The following PKD1L3 variants were observed in gnomAD, a reference collection of about 807,000 sequenced individuals.
PKD1L3 encodes polycystin-1-like protein 3.
In PKD1L3, 239 loss-of-function variants were observed where a neutral mutation model predicts 184.1. The observed-to-expected ratio is 1.30, with a 90% CI of 1.17 to 1.45. PKD1L3 has a LOEUF of 1.45. Among genes scored for constraint, PKD1L3 ranks in the 40% most tolerant of loss-of-function variants. The probability of loss-of-function intolerance (pLI) is 0.00; values close to 1 mark genes in which losing one functional copy is unlikely to be tolerated. For missense variants in PKD1L3, 2,660 were observed against 2,067.2 expected, an observed-to-expected ratio of 1.29 and a Z score of -5.56; for synonymous variants, 996 against 778.8, an observed-to-expected ratio of 1.28 and a Z score of -4.64.
In PKD1L3 at chr16:71,933,405, A is replaced by T. The variant is rs1361878798; in HGVS notation, c.4926+15T>A. The T allele has an allele frequency of 7.2e-6, 11 of 1,519,050 alleles. No homozygotes were observed. Among genetic ancestry groups the T allele is most frequent in the Non-Finnish European group, 9.0e-6 (10 of 1,117,316 alleles). The allele number at this position is 1,519,050 out of a possible 1,614,324, so 94.1% of individuals were successfully genotyped here. A position where few individuals can be genotyped will look rare whatever the true frequency, so the allele number is the denominator to read the frequency against. On this transcript the variant is annotated intron_variant, in intron 28 of 29. Transcript: ENST00000620267. ...ATATATTGAATTCTGTGAGGAAACA[A>T]ATTATTATTTTTACCTCCTCTTGGT...
chr16:71,979,182 A>G (rs528418575), intron 9 of PKD1L3, among the ~76,000 whole-genome samples: 7 of 152,208 alleles, frequency 4.6e-5, no homozygotes, highest in Non-Finnish European at 1.0e-4. Context: ...GGTGGCTCAC[A>G]CCTGTAATCC....
intron 11 of PKD1L3, among the ~76,000 whole-genome samples, chr16:71,974,764 G>A (rs2039855799): frequency 6.6e-6 from 1 of 152,210 alleles, no homozygotes; most frequent in South Asian, 2.1e-4. Flanking sequence ...TCTGTAGTGG[G>A]CAGCCTGGTA....
chr16:71,978,214 C>A, intron 10 of PKD1L3, 41 bp downstream of exon 10: 1 of 1,528,740 alleles, frequency 6.5e-7, no homozygotes, highest in South Asian at 1.2e-5. Flanking sequence ...TGCAGAATAT[C>A]CCATTCTCTT....
intron 1 of PKD1L3, among the ~76,000 whole-genome samples, chr16:71,999,059 CAGG>C (rs1386482886): frequency 6.6e-6 from 1 of 151,910 alleles, no homozygotes; most frequent in African/African-American, 2.4e-5. Flanking sequence ...ATCACGAGGT[CAGG>C]AGATCAAGAC....
chr16:71,933,554 G>T (rs1279238257), intron 27 of PKD1L3, 33 bp from the exon 28 acceptor site: 3 of 1,429,732 alleles, frequency 2.1e-6, no homozygotes, highest in South Asian at 2.5e-5. Context: ...GTTAGTGCAA[G>T]CCGAGCGCAC....
chr16:71,940,690 G>C (rs2143208302), intron 24 of PKD1L3, among the ~76,000 whole-genome samples: 1 of 151,922 alleles, frequency 6.6e-6, no homozygotes, highest in East Asian at 1.9e-4. Context: ...AGTAGATATG[G>C]GGTTTTGCCA....
At chr16:71,936,140 T>A (rs1404451028) in intron 25 of PKD1L3, among the ~76,000 whole-genome samples, 12 of 151,376 alleles carry the variant, frequency 7.9e-5, no homozygotes, top group Non-Finnish European at 1.3e-4. Context: ...AAAAAAAAAA[T>A]ACTATGTTTG....
Position 71,973,396 on chromosome 16 carries a change from C to G in PKD1L3, c.1881G>C (p.Ser627=). The G allele has an allele frequency of 1.5e-5, 24 of 1,551,646 alleles. No individual in the cohort carries two copies. The highest frequency in any genetic ancestry group is 2.1e-5 in the Non-Finnish European group (24 of 1,147,002). ...AACACTGAGTGACGGCGGTGATGAC[C>G]GAGACCAAGCTGGGTGTCTGCTGAG... is the stretch of plus-strand genomic sequence containing the variant. The part of the protein sequence containing the change: ...EGAQQTPSLV[S]VITAVTQCYY... The change falls in exon 12 of 30, where the codon TCG becomes TCC. Residue 627 remains serine (S), a synonymous_variant. Transcript: ENST00000620267.
intron 16 of PKD1L3, 77 bp downstream of exon 16, chr16:71,963,128 A>C: frequency 7.4e-7 from 1 of 1,354,564 alleles, no homozygotes; most frequent in Non-Finnish European, 9.8e-7. Flanking sequence ...ATTTGCATTA[A>C]AAACAATTCA....
rs573459044 is a variant in PKD1L3, at chr16:71,962,875, G to A, written c.2612+330C>T. ...TGTTCTCATAAATATTTGTATCATC[G>A]AAGTAGTGGTATCCTTTTTATATTC... On this transcript the variant is annotated intron_variant, in intron 16 of 29. Coordinates refer to ENST00000620267, the MANE Select transcript of PKD1L3 (RefSeq NM_181536.2). Among the ~76,000 whole-genome samples, 26 of 152,176 alleles carry A rather than the reference G, an allele frequency of 1.7e-4. No homozygotes were observed. In the South Asian group the frequency reaches 3.9e-3, roughly 23 times the overall value.
chr16:71,989,469 G>A (rs1597373812), intron 4 of PKD1L3, among the ~76,000 whole-genome samples: 1 of 152,164 alleles, frequency 6.6e-6, no homozygotes, highest in African/African-American at 2.4e-5. Flanking sequence ...CTTTTATACT[G>A]TTAGAAACAC....
At position 71,994,833 on chromosome 16, in the gene PKD1L3, C is replaced by A. The variant is rs539429858; in HGVS notation, c.419-1501G>T. Among the ~76,000 whole-genome samples, 39 of 152,140 alleles carry A rather than the reference C, an allele frequency of 2.6e-4. 1 individual carries two copies. The South Asian group carries it at 5.8e-3, about 23-fold the overall frequency. ...GGCCAGGATGGTGAAACCGCCGTCT[C>A]TACTAAAAATACAAAAATTAGCCGA... is the stretch of plus-strand genomic sequence containing the variant. On this transcript the variant is annotated intron_variant, in intron 2 of 29. Transcript: ENST00000620267.
At position 71,942,797 on chromosome 16, in the gene PKD1L3, C is replaced by T. The variant is rs1483501701; in HGVS notation, c.4087G>A (p.Val1363Ile). Residue 1363 changes from valine to isoleucine, a missense_variant, in exon 24 of 30, where the codon GTA becomes ATA. By Grantham distance (29) the Val-to-Ile change is conservative (BLOSUM62 3). Coordinates refer to ENST00000620267, the MANE Select transcript of PKD1L3 (RefSeq NM_181536.2). ...VLEPSHCKCG[V>I]QLIFQIPRTK... ...CGGGGTATTTGGAAAATTAATTGTA[C>T]CCCACATTTGCAATGACTGGGCTCC... 2.6e-6 allele frequency: 4 copies of T among 1,551,524 alleles called. No individual in the cohort carries two copies. The highest frequency in any genetic ancestry group is 2.4e-5 in the East Asian group (1 of 40,916).
chr16:71,942,840 T>G lies in PKD1L3; in HGVS notation c.4044A>C (p.Arg1348Ser). 1 of 1,551,594 alleles carries G rather than the reference T, an allele frequency of 6.4e-7. No individual in the cohort carries two copies. Among genetic ancestry groups the G allele is most frequent in the Non-Finnish European group, 8.7e-7 (1 of 1,146,952 alleles). ...ILLPSLYGDY[R>S]GKNAVLEPSH... ...TGGGCTCCAGGACTGCATTCTTACC[T>G]CTGTAATCCCCATACAGGCTAGGAA... The change falls in exon 24 of 30, where the codon AGA (arginine) becomes AGC (serine). Residue 1348 changes from arginine (R) to serine (S), a missense_variant. Coordinates refer to ENST00000620267, the MANE Select transcript of PKD1L3 (RefSeq NM_181536.2).
chr16:71,960,847 T>C (rs2039250456), intron 16 of PKD1L3, among the ~76,000 whole-genome samples: 1 of 152,266 alleles, frequency 6.6e-6, no homozygotes, highest in South Asian at 2.1e-4. Context: ...TGCTTGAGCC[T>C]AGGTGTTTGG....
At chr16:71,931,925 G>T (rs375769257) in intron 28 of PKD1L3, among the ~76,000 whole-genome samples, 50 of 152,196 alleles carry the variant, frequency 3.3e-4, no homozygotes, top group Middle Eastern at 3.4e-3. Flanking sequence ...AGACAGTCTC[G>T]CTCAGAGGGC....
Position 71,944,133 on chromosome 16 carries a change from C to G in PKD1L3, c.3756G>C (p.Lys1252Asn), listed in dbSNP as rs889958702. The G allele has an allele frequency of 2.6e-6, 4 of 1,551,184 alleles. No individual in the cohort carries two copies. Among genetic ancestry groups the G allele is most frequent in the Admixed American group, 3.9e-5 (2 of 50,952 alleles). ...CSSSVPGSRD[K>N]NNPVYVAPAI... ...CTGGGGCTACATAGACGGGGTTGTT[C>G]TTATCTCTTGAACCTGGTACTGACG... Residue 1252 changes from lysine (K) to asparagine (N), a missense_variant, in exon 23 of 30, where the codon AAG becomes AAC. Lys to Asn is a moderately conservative substitution (Grantham distance 94). Transcript: ENST00000620267.
chr16:71,945,263 TAAC>T (rs1245567703), intron 22 of PKD1L3, among the ~76,000 whole-genome samples: 6 of 98,978 alleles, frequency 6.1e-5, no homozygotes, highest in South Asian at 3.4e-4. Context: ...CTGAATTTCT[TAAC>T]TATATATATA....
At chr16:71,977,777 T>C (rs1404721382) in intron 10 of PKD1L3, among the ~76,000 whole-genome samples, 1 of 151,746 alleles carries the variant, frequency 6.6e-6, no homozygotes, top group Non-Finnish European at 1.5e-5. Context: ...TAACACTTCT[T>C]ATTCTTCTTA....
Sources: allele counts gnomAD v4.1 joint callset (sites outside exome capture counted in the v4.1 genomes callset), GRCh38; gene constraint gnomAD v4.1.1; transcripts MANE v1.5; gene names NCBI Gene and HGNC (gene_info 2026-07-23, HGNC 2026-07-21).